PCNX2: variants seen among roughly 807,000 people sequenced by gnomAD.
The protein encoded by PCNX2 is pecanex-like protein 2.
In PCNX2, 168 loss-of-function variants were observed where a neutral mutation model predicts 223.8. That is an observed-to-expected ratio of 0.75 (90% CI 0.66 to 0.85). PCNX2 has a LOEUF of 0.85. Among genes scored for constraint, PCNX2 ranks in the 40% least tolerant of loss-of-function variants. The pLI, the probability that PCNX2 is intolerant of heterozygous loss-of-function variation, is 0.00. For missense variants in PCNX2, 2,507 were observed against 2,675.5 expected, an observed-to-expected ratio of 0.94 and a Z score of 1.39; for synonymous variants, 1,006 against 1,052.6, an observed-to-expected ratio of 0.96 and a Z score of 0.86.
intron 21 of PCNX2, among the ~76,000 whole-genome samples, chr1:233,118,036 A>C (rs568173864): frequency 1.3e-5 from 2 of 152,136 alleles, no homozygotes; most frequent in Non-Finnish European, 2.9e-5. Flanking sequence ...ATAATTATAG[A>C]CCATAACCAA....
intron 21 of PCNX2, chr1:233,125,984 C>G (rs532485489): frequency 6.6e-6 from 1 of 152,344 alleles, no homozygotes; most frequent in African/African-American, 2.4e-5. Context: ...CCGAGGCAGG[C>G]AGATCACCCG....
intron 9 of PCNX2, chr1:233,233,018 GA>G: frequency 1.0e-6 from 1 of 985,388 alleles, no homozygotes; most frequent in African/African-American, 1.7e-5. Context: ...AATGGAAGCG[GA>G]AAATGCTGTA....
In PCNX2 at chr1:233,025,417, T is replaced by G; in HGVS notation, c.4352-18A>C. Reference sequence around the variant, plus strand: ...GTAGGTTCCTGGCCGAGCACAAACATGAAGGAAGTTTGAAGAGAAGGCATG... The same window carrying G: ...GTAGGTTCCTGGCCGAGCACAAACAGGAAGGAAGTTTGAAGAGAAGGCATG... On this transcript the variant is annotated intron_variant, in intron 25 of 33. Coordinates refer to ENST00000258229, the MANE Select transcript of PCNX2 (RefSeq NM_014801.4). The G allele has an allele frequency of 6.2e-7, 1 of 1,611,674 alleles. No homozygotes were observed. Among genetic ancestry groups the G allele is most frequent in the Non-Finnish European group, 8.5e-7 (1 of 1,178,228 alleles).
At chr1:233,008,704 G>A (rs966433852) in intron 28 of PCNX2, among the ~76,000 whole-genome samples, 7 of 152,210 alleles carry the variant, frequency 4.6e-5, no homozygotes, top group African/African-American at 1.4e-4. Flanking sequence ...AGCTGGGCAC[G>A]GAGGGTGCAC....
intron 19 of PCNX2, among the ~76,000 whole-genome samples, chr1:233,146,314 T>C (rs1462284066): frequency 1.3e-5 from 2 of 152,206 alleles, no homozygotes; most frequent in Non-Finnish European, 2.9e-5. Context: ...TATTACCTTA[T>C]CATTTTTAGT....
chr1:233,095,539 T>C (rs188021993), intron 22 of PCNX2: 12 of 560,798 alleles, frequency 2.1e-5, no homozygotes, highest in African/African-American at 1.5e-4. Flanking sequence ...TAAAAGTAAC[T>C]CCTGAATATG....
chr1:233,010,436 G>A (rs1449982397), intron 28 of PCNX2, among the ~76,000 whole-genome samples: 1 of 152,210 alleles, frequency 6.6e-6, no homozygotes, highest in Non-Finnish European at 1.5e-5. Context: ...CTCTGAGTCA[G>A]TAAATTTTCT....
chr1:233,188,923 C>T (rs755624683), intron 15 of PCNX2, among the ~76,000 whole-genome samples: 1 of 152,200 alleles, frequency 6.6e-6, no homozygotes, highest in African/African-American at 2.4e-5. Context: ...AATGTAACTT[C>T]ATCACAGGAG....
chr1:233,324,281 C>A, the PCNX2 span, among the ~76,000 whole-genome samples: 38 of 152,306 alleles, frequency 2.5e-4, no homozygotes, highest in Admixed American at 5.2e-4. Flanking sequence ...TCCAGAACAT[C>A]TAGCTAAGAT....
rs756429170 is a variant in PCNX2, at chr1:233,295,309, G to A, written c.153+17C>T. 4.9e-5 allele frequency: 77 copies of A among 1,572,164 alleles called. No individual in the cohort carries two copies. The highest frequency in any genetic ancestry group is 1.7e-4 in the Middle Eastern group (1 of 6,036). Reference sequence around the variant, plus strand: ...TCCATACCCACAGCTCCCCGGGACCGGACCCTCCCCACTCACCAGGTGCAG... The same window carrying A: ...TCCATACCCACAGCTCCCCGGGACCAGACCCTCCCCACTCACCAGGTGCAG... On this transcript the variant is annotated intron_variant, in intron 1 of 33. Transcript: ENST00000258229. This position sits in a 1 kb window ranked among gnomAD's most constrained non-coding sequence, Gnocchi z 4.1.
chr1:233,098,994 G>A (rs777073787), intron 21 of PCNX2, among the ~76,000 whole-genome samples: 7 of 152,196 alleles, frequency 4.6e-5, no homozygotes, highest in Non-Finnish European at 5.9e-5. Flanking sequence ...AGTAATTTTA[G>A]AGCCCTCTTC....
chr1:233,295,336 G>A lies in PCNX2; in HGVS notation c.143C>T (p.Ala48Val), dbSNP rs1471014523. 3.2e-6 allele frequency: 5 copies of A among 1,575,464 alleles called. No individual in the cohort carries two copies. In the African/African-American group the frequency reaches 5.4e-5, roughly 17 times the overall value. Residue 48 changes from alanine to valine, a missense_variant, in exon 1 of 34, where the codon GCC becomes GTC. Physicochemically the swap from Ala to Val is moderately conservative, Grantham distance 64. This residue lies in a region of PCNX2 where 1,031 missense variants were observed against 1,021.7 expected (regional missense o/e 1.01). Transcript: ENST00000258229. This position sits in a 1 kb window ranked among gnomAD's most constrained non-coding sequence, Gnocchi z 4.1. ...LWLFLLLLPL[A>V]LHLAFPPNAI... ...ACCCTCCCCACTCACCAGGTGCAGG[G>A]CCAGGGGCAGCAGCAGGAGGAACAG...
intron 33 of PCNX2, chr1:232,985,011 T>C (rs1336736014): frequency 6.6e-6 from 1 of 152,306 alleles, no homozygotes; most frequent in African/African-American, 2.4e-5. Flanking sequence ...TACATTTTTA[T>C]TGAGGAAATA....
At chr1:233,186,557 T>C (rs766091596) in intron 15 of PCNX2, among the ~76,000 whole-genome samples, 22 of 152,146 alleles carry the variant, frequency 1.4e-4, no homozygotes, top group Non-Finnish European at 4.4e-5. Context: ...CTTGTCCATA[T>C]TCCTCATGGA....
chr1:233,226,656 A>G (rs1322079608), intron 10 of PCNX2, among the ~76,000 whole-genome samples: 5 of 152,220 alleles, frequency 3.3e-5, no homozygotes, highest in Non-Finnish European at 1.5e-5. Context: ...GTTTTGCTGT[A>G]TGGAACAGTG....
chr1:233,131,159 A>G (rs1676481045), intron 21 of PCNX2, among the ~76,000 whole-genome samples: 1 of 152,182 alleles, frequency 6.6e-6, no homozygotes, highest in African/African-American at 2.4e-5. Flanking sequence ...GCTAACAATA[A>G]TTCTCTATTT....
chr1:232,984,581 C>T, intron 33 of PCNX2, 104 bp from the exon 34 acceptor site: 1 of 1,291,684 alleles, frequency 7.7e-7, no homozygotes, highest in Non-Finnish European at 1.1e-6. Context: ...AAGGCTAGCG[C>T]TGCCATATCC....
chr1:233,192,020 C>G (rs1425800813), intron 15 of PCNX2, among the ~76,000 whole-genome samples: 1 of 152,222 alleles, frequency 6.6e-6, no homozygotes, highest in Non-Finnish European at 1.5e-5. Context: ...GAAAAATCAT[C>G]TCTGAACTAG....
intron 21 of PCNX2, among the ~76,000 whole-genome samples, chr1:233,129,669 T>C (rs1281717518): frequency 6.6e-6 from 1 of 152,072 alleles, no homozygotes; most frequent in Non-Finnish European, 1.5e-5. Flanking sequence ...AGCTCGGAGT[T>C]TGTGGATGCA....
Sources: allele counts gnomAD v4.1 joint callset (sites outside exome capture counted in the v4.1 genomes callset), GRCh38; gene constraint gnomAD v4.1.1; regional missense constraint gnomAD v4.1.1; non-coding constraint Gnocchi (gnomAD v3.1); transcripts MANE v1.5; gene names NCBI Gene and HGNC (gene_info 2026-07-23, HGNC 2026-07-21).